Variants in ZCCHC17 observed in about 807,000 individuals in gnomAD.
ZCCHC17 encodes the protein zinc finger CCHC domain-containing protein 17.
In ZCCHC17, 18 loss-of-function variants were observed where a neutral mutation model predicts 30.6. The ratio of observed to expected loss-of-function variants is 0.59; its 90% CI spans 0.41 to 0.87. The LOEUF is 0.87. Ranked by LOEUF, ZCCHC17 falls within the 40% of genes least tolerant of loss-of-function variation. The probability of loss-of-function intolerance (pLI) is 0.00; values close to 1 mark genes in which losing one functional copy is unlikely to be tolerated. For missense variants in ZCCHC17, 263 were observed against 284.2 expected (o/e 0.93, Z 0.54); for synonymous variants, 88 against 92.4 (o/e 0.95, Z 0.27).
intron 3 of ZCCHC17, among the ~76,000 whole-genome samples, chr1:31,333,657 C>T (rs111527435): frequency 6.6e-6 from 1 of 152,118 alleles, no homozygotes; most frequent in African/African-American, 2.4e-5. Context: ...ACATTTATAG[C>T]GTAAAAGAGC....
At chr1:31,329,046 G>A (rs1177066279) in intron 3 of ZCCHC17, among the ~76,000 whole-genome samples, 1 of 152,172 alleles carries the variant, frequency 6.6e-6, no homozygotes, top group South Asian at 2.1e-4. Flanking sequence ...TGGTCTTTCT[G>A]GTGACTAGTC....
chr1:31,332,586 T>C (rs1638635127), intron 3 of ZCCHC17, among the ~76,000 whole-genome samples: 2 of 152,064 alleles, frequency 1.3e-5, no homozygotes, highest in Non-Finnish European at 2.9e-5. Flanking sequence ...AAACACACAA[T>C]GGAAAATGAT....
At chr1:31,362,878 G>C (rs552472855) in intron 7 of ZCCHC17, among the ~76,000 whole-genome samples, 1 of 152,238 alleles carries the variant, frequency 6.6e-6, no homozygotes, top group Admixed American at 6.5e-5. Context: ...TTAGACAGAA[G>C]TATTTGAAGG....
rs995423252 is a variant in ZCCHC17, at chr1:31,337,438, C to G, written c.225+163C>G. Among the ~76,000 whole-genome samples the G allele has an allele frequency of 3.7e-4, 57 of 152,176 alleles. 1 individual carries two copies. Among genetic ancestry groups the G allele is most frequent in the African/African-American group, 1.4e-3 (56 of 41,434 alleles). On this transcript the variant is annotated intron_variant, in intron 4 of 7. Coordinates refer to ENST00000344147, the MANE Select transcript of ZCCHC17 (RefSeq NM_016505.4). ...TTCTGAATTCAAACCTTCTGGTAGA[C>G]TGTCCTGCAAACTCAGAAGGAATGA... is the stretch of plus-strand genomic sequence containing the variant.
In ZCCHC17 at chr1:31,364,480, A is replaced by C. The variant is rs1569966787; in HGVS notation, c.*287A>C. 2.4e-6 allele frequency: 1 copy of C among 410,576 alleles called. No homozygotes were observed. 25.4% of individuals were successfully genotyped at this position (410,576 alleles called of 1,614,324 possible). A position where few individuals can be genotyped will look rare whatever the true frequency, so the allele number is the denominator to read the frequency against. On this transcript the variant is annotated 3_prime_UTR_variant, in exon 8 of 8. Coordinates refer to ENST00000344147, the MANE Select transcript of ZCCHC17 (RefSeq NM_016505.4). ...CCTTCATTCAGCAGGAGGTCCTATT[A>C]CCCTCTCCAGCTGCCACTGCCAGAG...
At chr1:31,363,850 A>T (rs981870336) in intron 7 of ZCCHC17, among the ~76,000 whole-genome samples, 182 bp from the exon 8 acceptor site, 2 of 152,080 alleles carry the variant, frequency 1.3e-5, no homozygotes, top group Admixed American at 1.3e-4. Context: ...CTTTTTAGAG[A>T]TGAGATCTTG....
intron 3 of ZCCHC17, among the ~76,000 whole-genome samples, chr1:31,334,038 A>T (rs1638700068): frequency 1.3e-5 from 2 of 152,196 alleles, no homozygotes; most frequent in African/African-American, 2.4e-5. Context: ...ATTACATCAT[A>T]GGGGAAAAAA....
intron 5 of ZCCHC17, among the ~76,000 whole-genome samples, chr1:31,342,939 A>G (rs1639100148): frequency 6.6e-6 from 1 of 152,242 alleles, no homozygotes; most frequent in African/African-American, 2.4e-5. Flanking sequence ...GGAATGAGGC[A>G]GAAAAGCACA....
chr1:31,359,112 G>A lies in ZCCHC17; in HGVS notation c.565-4920G>A, dbSNP rs77222557. Among the ~76,000 whole-genome samples, 883 of 152,248 alleles carry A rather than the reference G, an allele frequency of 5.8e-3. 70 individuals carry two copies. In the East Asian group the frequency reaches 0.14, roughly 25 times the overall value. On this transcript the variant is annotated intron_variant, in intron 7 of 7. Transcript: ENST00000344147. ...ATAATTGACCACTAGATTTGGCCAC[G>A]TGGAGGTTACTGGTAATTTTGTTTG...
chr1:31,318,203 G>A, intron 2 of ZCCHC17: 1 of 1,535,284 alleles, frequency 6.5e-7, no homozygotes, highest in Non-Finnish European at 8.7e-7. Context: ...AGATGAAGCA[G>A]CTAATTGAAG....
At chr1:31,324,820 G>A (rs887388493) in intron 3 of ZCCHC17, among the ~76,000 whole-genome samples, 2 of 152,166 alleles carry the variant, frequency 1.3e-5, no homozygotes, top group African/African-American at 4.8e-5. Context: ...CATGATTGAT[G>A]GTGACAAGAG....
At chr1:31,306,575 C>T (rs976229981) in intron 1 of ZCCHC17, among the ~76,000 whole-genome samples, 1 of 152,268 alleles carries the variant, frequency 6.6e-6, no homozygotes, top group Non-Finnish European at 1.5e-5. Flanking sequence ...GTTTTTGGAC[C>T]GTGGTAGACT....
chr1:31,346,895 A>G, intron 6 of ZCCHC17, 155 bp downstream of exon 6: 1 of 1,455,374 alleles, frequency 6.9e-7, no homozygotes, highest in East Asian at 2.5e-5. Context: ...ATCAGAGTTC[A>G]TGGGGTGATA....
chr1:31,333,380 G>A (rs1055100172), intron 3 of ZCCHC17, among the ~76,000 whole-genome samples: 9 of 152,064 alleles, frequency 5.9e-5, no homozygotes, highest in South Asian at 2.1e-4. Context: ...AAAATTAGCC[G>A]GGCGTGGTGG....
chr1:31,298,531 G>A (rs1233808947), intron 1 of ZCCHC17, among the ~76,000 whole-genome samples: 1 of 151,962 alleles, frequency 6.6e-6, no homozygotes, highest in Non-Finnish European at 1.5e-5. Flanking sequence ...GATTACAGGC[G>A]CCTCCACTGT....
At chr1:31,318,022 A>T (rs2148426067) in intron 2 of ZCCHC17, 1 of 562,840 alleles carries the variant, frequency 1.8e-6, no homozygotes, top group Middle Eastern at 5.0e-4. Flanking sequence ...CATCTATTGG[A>T]TGGGAATAAT....
chr1:31,322,150 C>G (rs1646875840), intron 3 of ZCCHC17, among the ~76,000 whole-genome samples: 1 of 152,170 alleles, frequency 6.6e-6, no homozygotes, highest in Non-Finnish European at 1.5e-5. Flanking sequence ...ATGTTTTTCC[C>G]TACACCAACC....
chr1:31,312,808 G>T (rs1378331606), intron 2 of ZCCHC17, among the ~76,000 whole-genome samples: 3 of 152,122 alleles, frequency 2.0e-5, no homozygotes, highest in Non-Finnish European at 2.9e-5. Flanking sequence ...TGCCCAGGTT[G>T]GAGTGCAATG....
intron 7 of ZCCHC17, among the ~76,000 whole-genome samples, chr1:31,354,076 A>T (rs372419646): frequency 5.9e-5 from 9 of 152,254 alleles, no homozygotes; most frequent in African/African-American, 1.9e-4. Flanking sequence ...CTTCCAATCC[A>T]TGAAAATTGG....
Sources: gnomAD v4.1 joint callset for allele counts (sites outside exome capture counted in the v4.1 genomes callset) on GRCh38, gnomAD v4.1.1 for gene constraint, MANE v1.5 for transcripts, NCBI Gene and HGNC (gene_info 2026-07-23, HGNC 2026-07-21) for gene names.